Variants in IL17RD observed in about 807,000 individuals in gnomAD.
IL17RD encodes interleukin 17 receptor D.
In IL17RD, 52 loss-of-function variants were observed where a neutral mutation model predicts 80.5. The ratio of observed to expected loss-of-function variants is 0.65; its 90% CI spans 0.52 to 0.81. IL17RD has a LOEUF of 0.81. Among genes scored for constraint, IL17RD ranks in the 40% least tolerant of loss-of-function variants. The pLI, the probability that IL17RD is intolerant of heterozygous loss-of-function variation, is 0.00. For missense variants in IL17RD, 1,024 were observed against 955.1 expected (o/e 1.07, Z -0.95); for synonymous variants, 416 against 391.8 (o/e 1.06, Z -0.73).
chr3:57,104,229 A>G lies in IL17RD; in HGVS notation c.813+113T>C, dbSNP rs1039330623. On this transcript the variant is annotated intron_variant, in intron 8 of 12. Transcript: ENST00000296318. ...AGCATGTTAAGAACCATATAAAAAT[A>G]TAACTGTGCACACCTTCAATAGCTT... 2.7e-5 allele frequency: 19 copies of G among 700,390 alleles called. No homozygotes were observed. In the East Asian group the frequency reaches 4.9e-4, roughly 18 times the overall value. 43.4% of individuals were successfully genotyped at this position (700,390 alleles called of 1,614,324 possible).
upstream of IL17RD, among the ~76,000 whole-genome samples, chr3:57,168,230 C>G (rs902814334): frequency 6.6e-6 from 1 of 152,184 alleles, no homozygotes; most frequent in Non-Finnish European, 1.5e-5. Context: ...TTAGAGAAAA[C>G]TGTTTCTCCC....
intron 1 of IL17RD, among the ~76,000 whole-genome samples, chr3:57,139,670 G>A (rs1251185330): frequency 1.3e-5 from 2 of 151,906 alleles, no homozygotes; most frequent in African/African-American, 4.8e-5. Context: ...GTGCCACCAC[G>A]CCAGGCTAAT....
rs374566695 is a variant in IL17RD, at chr3:57,106,100, T to C, written c.595+10A>G. The C allele has an allele frequency of 1.2e-6, 2 of 1,611,604 alleles. No homozygotes were observed. Among genetic ancestry groups the C allele is most frequent in the Non-Finnish European group, 1.7e-6 (2 of 1,177,914 alleles). On this transcript the variant is annotated intron_variant, in intron 6 of 12. Transcript: ENST00000296318. ...TTTGAGACTTGATAGATAAGAACAC[T>C]ATTACTTACAGGGTTTACAAGCTAG...
At position 57,162,097 on chromosome 3, in the gene IL17RD, GC is replaced by G. The variant is rs1482370729; in HGVS notation, c.126+3063del. The stretch of plus-strand genomic sequence containing the variant: ...CCAGCCCATGGCTCCTCTGGGAGCA[GC>G]CCCGAAGGGTCTGTTAGCAGGGCTG... On this transcript the variant is annotated intron_variant, in intron 1 of 12. Transcript: ENST00000296318. Among the ~76,000 whole-genome samples the G allele has an allele frequency of 2.6e-5, 4 of 152,368 alleles. No homozygotes were observed. The East Asian group carries it at 7.7e-4, about 29-fold the overall frequency.
chr3:57,101,106 G>T, intron 11 of IL17RD, 73 bp downstream of exon 11: 1 of 1,242,454 alleles, frequency 8.0e-7, no homozygotes, highest in South Asian at 1.4e-5. Flanking sequence ...CAGAAGAGAG[G>T]AGAAGGCAGC....
At chr3:57,110,154 T>C (rs1342246904) in intron 4 of IL17RD, 39 bp downstream of exon 4, 4 of 1,558,524 alleles carry the variant, frequency 2.6e-6, no homozygotes, top group South Asian at 1.2e-5. Context: ...CCTGGAACAA[T>C]GGCATGTCTT....
At chr3:57,141,305 C>T (rs1264046664) in intron 1 of IL17RD, among the ~76,000 whole-genome samples, 1 of 152,156 alleles carries the variant, frequency 6.6e-6, no homozygotes, top group Admixed American at 6.5e-5. Flanking sequence ...CTATAACCAC[C>T]GGTCTGAACA....
chr3:57,157,102 G>A (rs1053660887), intron 1 of IL17RD, among the ~76,000 whole-genome samples: 1 of 152,106 alleles, frequency 6.6e-6, no homozygotes, highest in East Asian at 1.9e-4. Flanking sequence ...GAGAAAAGGG[G>A]GCCTCCTCCA....
At chr3:57,119,643 C>G (rs1212790640) in intron 2 of IL17RD, among the ~76,000 whole-genome samples, 2 of 152,178 alleles carry the variant, frequency 1.3e-5, no homozygotes, top group Non-Finnish European at 2.9e-5. Flanking sequence ...CCTGGCCCAT[C>G]TGGAACCCAG....
chr3:57,146,820 C>CTTT (rs761583197), intron 1 of IL17RD, among the ~76,000 whole-genome samples: 4 of 101,220 alleles, frequency 4.0e-5, no homozygotes, highest in African/African-American at 1.1e-4. Context: ...GAGAGGTATT[C>CTTT]TTTTTTTTTT....
intron 1 of IL17RD, among the ~76,000 whole-genome samples, chr3:57,160,429 C>T (rs2060296166): frequency 6.6e-6 from 1 of 152,136 alleles, no homozygotes; most frequent in South Asian, 2.1e-4. Context: ...GATTTGGATC[C>T]TGTGCTACTC....
At chr3:57,113,041 G>C (rs1320468133) in intron 3 of IL17RD, among the ~76,000 whole-genome samples, 3 of 152,142 alleles carry the variant, frequency 2.0e-5, no homozygotes, top group Non-Finnish European at 4.4e-5. Flanking sequence ...TGCCTCATGT[G>C]AAAGATCAAT....
chr3:57,108,828 T>C (rs1707026238), intron 5 of IL17RD, among the ~76,000 whole-genome samples: 1 of 151,886 alleles, frequency 6.6e-6, no homozygotes, highest in South Asian at 2.1e-4. Flanking sequence ...CTGTCTTTTT[T>C]AACTAGAAAT....
intron 1 of IL17RD, among the ~76,000 whole-genome samples, chr3:57,130,874 T>C (rs976665402): frequency 2.0e-5 from 3 of 152,184 alleles, no homozygotes; most frequent in African/African-American, 7.2e-5. Flanking sequence ...AAGTCAGCAG[T>C]GCCGGCTCCA....
chr3:57,096,504 A>G lies in IL17RD; in HGVS notation c.2109T>C (p.Gly703=). The G allele has an allele frequency of 6.3e-7, 1 of 1,595,350 alleles. No individual in the cohort carries two copies. The highest frequency in any genetic ancestry group is 8.6e-7 in the Non-Finnish European group (1 of 1,162,890). The change falls in exon 13 of 13, where the codon GGT becomes GGC. Residue 703 remains glycine, a splice_region_variant and synonymous_variant. Transcript: ENST00000296318. The stretch of plus-strand genomic sequence containing the variant: ...AAGGAAGGGCAGGAGGTTCCTCCTC[A>G]CCTAAGGAGAGAAGAGAGTACAGAG... ...TESVSSSSGL[G]EEEPPALPSK... is the part of the protein sequence containing the mutation.
intron 1 of IL17RD, among the ~76,000 whole-genome samples, chr3:57,127,359 A>AAG (rs1707508827): frequency 1.4e-5 from 1 of 74,030 alleles, no homozygotes; most frequent in Non-Finnish European, 2.3e-5. Flanking sequence ...AATATATATA[A>AAG]ATATAAATAT....
intron 3 of IL17RD, 71 bp from the exon 4 acceptor site, chr3:57,110,382 A>G: frequency 6.7e-7 from 1 of 1,483,724 alleles, no homozygotes; most frequent in Non-Finnish European, 9.2e-7. Context: ...TTCCTCCAAG[A>G]TTACCATCTT....
intron 2 of IL17RD, among the ~76,000 whole-genome samples, chr3:57,115,159 C>T (rs548173615): frequency 6.6e-6 from 1 of 152,244 alleles, no homozygotes; most frequent in African/African-American, 2.4e-5. Flanking sequence ...ATCAATTCAA[C>T]CAATTTTCAG....
At chr3:57,166,403 A>G (rs2060348301), upstream of IL17RD, among the ~76,000 whole-genome samples, 1 of 152,152 alleles carries the variant, frequency 6.6e-6, no homozygotes, top group South Asian at 2.1e-4. Context: ...GCAGTGGCCA[A>G]TCCTAGAGGA....
Sources: allele counts gnomAD v4.1 joint callset (sites outside exome capture counted in the v4.1 genomes callset), GRCh38; gene constraint gnomAD v4.1.1; transcripts MANE v1.5; gene names NCBI Gene and HGNC (gene_info 2026-07-23, HGNC 2026-07-21).